The following THSD4 variants were observed in gnomAD, a reference collection of about 807,000 sequenced individuals.
THSD4 encodes the protein thrombospondin type 1 domain containing 4.
A neutral mutation model predicts 119.0 loss-of-function variants in THSD4; 69 were observed. The ratio of observed to expected loss-of-function variants is 0.58; its 90% CI spans 0.48 to 0.71. The LOEUF is 0.71. Ranked by LOEUF, THSD4 falls within the 30% of genes least tolerant of loss-of-function variation. The pLI is 0.00. For synonymous variants in THSD4, 524 were observed against 540.4 expected (o/e 0.97, Z 0.42); for missense variants, 1,393 against 1,391.1 (o/e 1.00, Z -0.02).
chr15:71,727,329 A>G (rs1268486334), intron 8 of THSD4, among the ~76,000 whole-genome samples: 2 of 152,024 alleles, frequency 1.3e-5, no homozygotes, highest in African/African-American at 4.8e-5. Flanking sequence ...GACCAGGTAC[A>G]TGAGAAAATC....
intron 6 of THSD4, among the ~76,000 whole-genome samples, chr15:71,394,872 T>C (rs568329672): frequency 6.6e-6 from 1 of 152,334 alleles, no homozygotes; most frequent in East Asian, 1.9e-4. Context: ...CTCTGACATC[T>C]CCACCCGCTT....
chr15:71,689,174 G>A (rs375651623), intron 8 of THSD4, among the ~76,000 whole-genome samples: 1 of 152,296 alleles, frequency 6.6e-6, no homozygotes, highest in East Asian at 1.9e-4. Flanking sequence ...AAATTTCTAC[G>A]AAGTGTTTTT....
At chr15:71,389,522 T>A (rs1566965715) in intron 6 of THSD4, among the ~76,000 whole-genome samples, 2 of 152,000 alleles carry the variant, frequency 1.3e-5, no homozygotes, top group African/African-American at 4.8e-5. Flanking sequence ...TCACATTGTG[T>A]TTACCCACTC....
At chr15:71,561,451 G>C (rs374883480) in intron 7 of THSD4, among the ~76,000 whole-genome samples, 3 of 152,164 alleles carry the variant, frequency 2.0e-5, no homozygotes, top group African/African-American at 7.2e-5. Flanking sequence ...TATAGACTAA[G>C]GGAATTGTGA....
intron 7 of THSD4, among the ~76,000 whole-genome samples, chr15:71,653,452 A>G (rs1196623794): frequency 6.6e-6 from 1 of 152,186 alleles, no homozygotes; most frequent in African/African-American, 2.4e-5. Flanking sequence ...ACATTTGGCA[A>G]TGTCTGGAGA....
intron 1 of THSD4, among the ~76,000 whole-genome samples, chr15:71,140,259 A>T (rs2040589885): frequency 6.6e-6 from 1 of 152,214 alleles, no homozygotes; most frequent in South Asian, 2.1e-4. Context: ...GCTGGCTGGC[A>T]TCTGCTTCTG....
intron 7 of THSD4, among the ~76,000 whole-genome samples, chr15:71,571,065 C>T (rs1451807892): frequency 1.3e-5 from 2 of 152,210 alleles, no homozygotes; most frequent in African/African-American, 4.8e-5. Context: ...CCCTATGAGC[C>T]TGAGGTGTCC....
intron 3 of THSD4, chr15:71,167,044 CA>C (rs1162704757): frequency 1.8e-4 from 27 of 152,026 alleles, no homozygotes; most frequent in Non-Finnish European, 1.0e-4. Flanking sequence ...TCACTCAAGA[CA>C]AGAAAGGATT....
Position 71,746,978 on chromosome 15 carries a change from A to G in THSD4, c.2177A>G (p.Glu726Gly). ...PYRCQHLEKPETTSTCQLKIC... is the reference protein window; with the variant it reads ...PYRCQHLEKPGTTSTCQLKIC... ...CGCTGCCAGCACCTGGAGAAACCTG[A>G]GACCACCAGCACCTGCCAACTCAAG... The change falls in exon 13 of 18, where the codon GAG becomes GGG. Residue 726 changes from glutamate (E) to glycine (G), a missense_variant. Glu to Gly is a moderately conservative substitution (Grantham distance 98, BLOSUM62 -2). Coordinates refer to ENST00000261862, the MANE Select transcript of THSD4 (RefSeq NM_024817.3). 1 of 1,613,632 alleles carries G rather than the reference A, an allele frequency of 6.2e-7. No individual in the cohort carries two copies. Among genetic ancestry groups the G allele is most frequent in the Non-Finnish European group, 8.5e-7 (1 of 1,179,990 alleles).
At chr15:71,165,957 ATGTGG>A (rs2043291157) in intron 3 of THSD4, among the ~76,000 whole-genome samples, 1 of 151,906 alleles carries the variant, frequency 6.6e-6, no homozygotes. Flanking sequence ...CTGAGTGGTT[ATGTGG>A]TGCTCTCTCT....
At chr15:71,286,766 C>A (rs2044723110) in intron 6 of THSD4, among the ~76,000 whole-genome samples, 1 of 152,200 alleles carries the variant, frequency 6.6e-6, no homozygotes, top group Non-Finnish European at 1.5e-5. Flanking sequence ...TACACTCCCA[C>A]CAACAGTGTA....
chr15:71,754,286 C>T (rs1279897943), intron 14 of THSD4, among the ~76,000 whole-genome samples: 1 of 152,052 alleles, frequency 6.6e-6, no homozygotes, highest in East Asian at 1.9e-4. Flanking sequence ...GATGGGGTTT[C>T]ACTATGTTGG....
Position 71,453,067 on chromosome 15 carries a change from T to A in THSD4, c.1152+41244T>A, listed in dbSNP as rs554663980. ...TGAGGACACAGCGAGAAGGTGGCTA[T>A]CTGCAAGCCAGAAAGAGAGCCTCAC... is the stretch of plus-strand genomic sequence containing the variant. On this transcript the variant is annotated intron_variant, in intron 7 of 17. Transcript: ENST00000261862. Among the ~76,000 whole-genome samples the A allele has an allele frequency of 7.2e-5, 11 of 152,332 alleles. No individual in the cohort carries two copies. In the South Asian group the frequency reaches 1.7e-3, roughly 23 times the overall value.
At position 71,552,053 on chromosome 15, in the gene THSD4, A is replaced by G. The variant is rs200545242; in HGVS notation, c.1153-108477A>G. Among the ~76,000 whole-genome samples the G allele has an allele frequency of 6.1e-5, 8 of 130,144 alleles. No individual in the cohort carries two copies. In the East Asian group the frequency reaches 1.7e-3, roughly 28 times the overall value. 85.4% of individuals were successfully genotyped at this position (130,144 alleles called of 152,430 possible). Reference sequence around the variant, plus strand: ...ATAAGTAAGCACTTTAAGTGGGAAAAGAGGGGGAGCATTCCAGGCAGAGGG... The same window carrying G: ...ATAAGTAAGCACTTTAAGTGGGAAAGGAGGGGGAGCATTCCAGGCAGAGGG... On this transcript the variant is annotated intron_variant, in intron 7 of 17. Coordinates refer to ENST00000261862, the MANE Select transcript of THSD4 (RefSeq NM_024817.3).
At chr15:71,337,390 GC>G (rs2045502229) in intron 6 of THSD4, among the ~76,000 whole-genome samples, 1 of 152,226 alleles carries the variant, frequency 6.6e-6, no homozygotes, top group Non-Finnish European at 1.5e-5. Flanking sequence ...GAGGAAACCT[GC>G]CCCTGGAGGG....
chr15:71,345,400 T>G (rs1213270743), intron 6 of THSD4, among the ~76,000 whole-genome samples: 1 of 152,186 alleles, frequency 6.6e-6, no homozygotes, highest in African/African-American at 2.4e-5. Context: ...AGGAGAGTGC[T>G]GACCTCTGTG....
intron 7 of THSD4, among the ~76,000 whole-genome samples, chr15:71,566,020 GGCCCAAC>G (rs968669678): frequency 9.9e-5 from 15 of 152,284 alleles, no homozygotes; most frequent in African/African-American, 3.6e-4. Context: ...AAGTGCATCT[GGCCCAAC>G]GCTCCCTGAT....
chr15:71,187,274 A>G (rs1333440956), intron 3 of THSD4: 1 of 152,664 alleles, frequency 6.6e-6, no homozygotes, highest in Non-Finnish European at 1.5e-5. Flanking sequence ...AAAACAGAGC[A>G]AAAACAATGC....
Position 71,316,726 on chromosome 15 carries a change from G to A in THSD4, c.1015+60011G>A, listed in dbSNP as rs118066138. 1.2e-4 allele frequency among the ~76,000 whole-genome samples: 18 copies of A among 152,248 alleles called. No homozygotes were observed. The East Asian group carries it at 2.9e-3, about 25-fold the overall frequency. On this transcript the variant is annotated intron_variant, in intron 6 of 17. Transcript: ENST00000261862. Reference sequence around the variant, plus strand: ...GGGCTCCCTGGACCTGGGAAAGGCTGGGCCCCCAACAAGCAGCAGGGTCTG... The same window carrying A: ...GGGCTCCCTGGACCTGGGAAAGGCTAGGCCCCCAACAAGCAGCAGGGTCTG...
Sources: allele counts gnomAD v4.1 joint callset (sites outside exome capture counted in the v4.1 genomes callset), GRCh38; gene constraint gnomAD v4.1.1; transcripts MANE v1.5; gene names NCBI Gene and HGNC (gene_info 2026-07-23, HGNC 2026-07-21).